The following CASP9 variants were observed in gnomAD, a reference collection of about 807,000 sequenced individuals.
CASP9 encodes caspase 9, also known as caspase-9.
A neutral mutation model predicts 43.5 loss-of-function variants in CASP9; 29 were observed. The observed-to-expected ratio is 0.67, with a 90% confidence interval of 0.50 to 0.91. CASP9 has a LOEUF of 0.91. Among genes scored for constraint, CASP9 ranks in the 40% least tolerant of loss-of-function variants. CASP9 has a pLI of 0.00. For synonymous variants in CASP9, 206 were observed against 211.9 expected, an observed-to-expected ratio of 0.97 and a Z score of 0.24; for missense variants, 575 against 537.4, an observed-to-expected ratio of 1.07 and a Z score of -0.69.
intron 1 of CASP9, among the ~76,000 whole-genome samples, chr1:15,519,588 G>C (rs139858448): frequency 6.6e-6 from 1 of 152,322 alleles, no homozygotes; most frequent in African/African-American, 2.4e-5. Flanking sequence ...GCCAGATCAG[G>C]AGGCAGCAAA....
Position 15,507,011 on chromosome 1 carries a change from C to G in CASP9, c.518G>C (p.Arg173Pro), listed in dbSNP as rs2308950. Residue 173 changes from arginine (R) to proline (P), a missense_variant, in exon 4 of 9, where the codon CGT (arginine) becomes CCT (proline). Coordinates refer to ENST00000333868, the MANE Select transcript of CASP9 (RefSeq NM_001229.5). Reference sequence around the variant, plus strand: ...AGTGCGGGTGCGGAGCCCGGACTCACGGCAGAAGTTCACATTGTTGATAAT... The same window carrying G: ...AGTGCGGGTGCGGAGCCCGGACTCAGGGCAGAAGTTCACATTGTTGATAAT... ...CLIINNVNFC[R>P]ESGLRTRTGS... The G allele has an allele frequency of 3.2e-5, 52 of 1,614,074 alleles. No individual in the cohort carries two copies. Among genetic ancestry groups the G allele is most frequent in the Non-Finnish European group, 4.3e-5 (51 of 1,180,034 alleles).
At chr1:15,503,334 T>C (rs1709399672) in intron 6 of CASP9, among the ~76,000 whole-genome samples, 1 of 152,144 alleles carries the variant, frequency 6.6e-6, no homozygotes, top group African/African-American at 2.4e-5. Context: ...GTTCTGTTAT[T>C]TTCCCCATTT....
At chr1:15,495,169 G>C in intron 7 of CASP9, 104 bp downstream of exon 7, 1 of 1,080,716 alleles carries the variant, frequency 9.3e-7, no homozygotes, top group Non-Finnish European at 1.3e-6. Flanking sequence ...GCAAAAGACA[G>C]AACCAGGACT....
intron 6 of CASP9, among the ~76,000 whole-genome samples, chr1:15,500,219 A>G (rs1385916307): frequency 1.3e-5 from 2 of 152,236 alleles, no homozygotes; most frequent in African/African-American, 2.4e-5. Flanking sequence ...GGAGTGATCC[A>G]GAGGGTCCCC....
chr1:15,521,921 G>A (rs1710218404), intron 1 of CASP9, among the ~76,000 whole-genome samples: 1 of 151,886 alleles, frequency 6.6e-6, no homozygotes, highest in Non-Finnish European at 1.5e-5. Flanking sequence ...TACCTTTAAC[G>A]ACATGTGGCT....
At chr1:15,507,144 G>C in intron 3 of CASP9, 69 bp from the exon 4 acceptor site, 2 of 1,591,864 alleles carry the variant, frequency 1.3e-6, no homozygotes, top group South Asian at 1.1e-5. Flanking sequence ...CTGGAGAGGC[G>C]GGAAGAAAAC....
intron 2 of CASP9, among the ~76,000 whole-genome samples, chr1:15,509,314 C>T (rs548138985): frequency 1.3e-5 from 2 of 152,006 alleles, no homozygotes; most frequent in African/African-American, 4.8e-5. Flanking sequence ...ACACGCAATG[C>T]GGGATAACCT....
chr1:15,504,892 G>A, intron 5 of CASP9, 134 bp from the exon 6 acceptor site: 1 of 817,624 alleles, frequency 1.2e-6, no homozygotes, highest in East Asian at 2.6e-5. Context: ...AGACAGAGCA[G>A]GTTGGTTCTG....
At chr1:15,516,750 C>T (rs1056378273) in intron 2 of CASP9, among the ~76,000 whole-genome samples, 1 of 152,212 alleles carries the variant, frequency 6.6e-6, no homozygotes, top group Non-Finnish European at 1.5e-5. Context: ...GAACTAGACG[C>T]ACATGCAAGG....
At chr1:15,507,213 A>G in intron 3 of CASP9, 138 bp from the exon 4 acceptor site, 1 of 894,554 alleles carries the variant, frequency 1.1e-6, no homozygotes. Flanking sequence ...CCAGGGCAAA[A>G]GAGAAGCAAC....
At position 15,495,105 on chromosome 1, in the gene CASP9, G is replaced by A. The variant is rs76312476; in HGVS notation, c.1048+168C>T. On this transcript the variant is annotated intron_variant, in intron 7 of 8. Coordinates refer to ENST00000333868, the MANE Select transcript of CASP9 (RefSeq NM_001229.5). ...CTCCTTGCAGCGCGCATCCTTGCCC[G>A]CTCAGCCTGAGCCGAGGCTCAGAGA... 9.2e-3 allele frequency among the ~76,000 whole-genome samples: 1,404 copies of A among 152,008 alleles called. 11 individuals carry two copies. The highest frequency in any genetic ancestry group is 0.015 in the Non-Finnish European group (1,036 of 67,972).
At chr1:15,523,289 G>A (rs969259831) in intron 1 of CASP9, among the ~76,000 whole-genome samples, 41 of 152,194 alleles carry the variant, frequency 2.7e-4, no homozygotes, top group African/African-American at 9.7e-4. Context: ...TTTCACATCC[G>A]TTATTTCATT....
upstream of CASP9, chr1:15,524,447 C>T: frequency 1.8e-6 from 2 of 1,115,890 alleles, no homozygotes; most frequent in Non-Finnish European, 2.2e-6. Flanking sequence ...CAGGGCCAAG[C>T]CTCCCATCAC....
rs61738967 is a variant in CASP9, at chr1:15,493,953, G to T, written c.1097C>A (p.Thr366Asn). Reference sequence around the variant, plus strand: ...CCACTGCTCAAAGATGTCGTCCAGGGTCTCAACGTACCAGGAGCCACTCTT... The same window carrying T: ...CCACTGCTCAAAGATGTCGTCCAGGTTCTCAACGTACCAGGAGCCACTCTT... ...DPKSGSWYVETLDDIFEQWAH... is the reference protein window; with the variant it reads ...DPKSGSWYVENLDDIFEQWAH... The change falls in exon 8 of 9, where the codon ACC becomes AAC. Residue 366 changes from threonine (T) to asparagine (N), a missense_variant. By Grantham distance (65) the Thr-to-Asn change is moderately conservative (BLOSUM62 0). Transcript: ENST00000333868. 3,028 of 1,604,750 alleles carry T rather than the reference G, an allele frequency of 1.9e-3. 48 individuals carry two copies. In the African/African-American group the frequency reaches 0.028, roughly 15 times the overall value.
rs1475058825 is a variant in CASP9 at position 15,494,017 on chromosome 1, G to C, written c.1049-16C>G. ...GAAACAAAACCTTTGGAGGGAGGAG[G>C]GCTGAACACTGCTGGAGAGCCACCC... On this transcript the variant is annotated splice_polypyrimidine_tract_variant and intron_variant, in intron 7 of 8. Transcript: ENST00000333868. The C allele has an allele frequency of 6.4e-7, 1 of 1,565,204 alleles. No homozygotes were observed. The highest frequency in any genetic ancestry group is 1.4e-5 in the African/African-American group (1 of 73,876).
intron 2 of CASP9, among the ~76,000 whole-genome samples, chr1:15,510,767 A>G (rs1709723225): frequency 6.6e-6 from 1 of 152,124 alleles, no homozygotes; most frequent in Non-Finnish European, 1.5e-5. Context: ...TACAAGGTGC[A>G]TGAGACCAGT....
intron 1 of CASP9, among the ~76,000 whole-genome samples, chr1:15,523,298 T>C (rs566997422): frequency 3.3e-5 from 5 of 152,254 alleles, no homozygotes; most frequent in Non-Finnish European, 7.3e-5. Flanking sequence ...CGTTATTTCA[T>C]TTAGTCCTTA....
In CASP9 at chr1:15,507,910, G is replaced by C. The variant is rs372978152; in HGVS notation, c.419-3C>G. 1.2e-6 allele frequency: 2 copies of C among 1,614,098 alleles called. No homozygotes were observed. Among genetic ancestry groups the C allele is most frequent in the Admixed American group, 1.7e-5 (1 of 60,006 alleles). On this transcript the variant is annotated splice_region_variant and splice_polypyrimidine_tract_variant and intron_variant, in intron 2 of 8. Coordinates refer to ENST00000333868, the MANE Select transcript of CASP9 (RefSeq NM_001229.5). ...TCCCCTCAAACTCTCAAGAGCACCT[G>C]AAGAGGCAGAGAAAGAGAGAAACAT...
chr1:15,493,289 C>T (rs1708961384), intron 8 of CASP9: 1 of 1,353,826 alleles, frequency 7.4e-7, no homozygotes, highest in Non-Finnish European at 9.5e-7. Flanking sequence ...TGGCCCCAGC[C>T]TCGCAGCCCC....
Sources: allele counts gnomAD v4.1 joint callset (sites outside exome capture counted in the v4.1 genomes callset), GRCh38; gene constraint gnomAD v4.1.1; transcripts MANE v1.5; gene names NCBI Gene and HGNC (gene_info 2026-07-23, HGNC 2026-07-21).